DPYD: variants seen among roughly 807,000 people sequenced by gnomAD.
DPYD encodes dihydropyrimidine dehydrogenase [NADP(+)].
A neutral mutation model predicts 116.2 loss-of-function variants in DPYD; 109 were observed. That is an observed-to-expected ratio of 0.94 (90% confidence interval 0.80 to 1.10). The LOEUF is 1.10. Ranked by LOEUF, DPYD falls within the 50% of genes least tolerant of loss-of-function variation. The probability of loss-of-function intolerance (pLI) is 0.00; values close to 1 mark genes in which losing one functional copy is unlikely to be tolerated. For missense variants in DPYD, 1,302 were observed against 1,254.5 expected (o/e 1.04, Z -0.57); for synonymous variants, 440 against 432.0 (o/e 1.02, Z -0.23).
chr1:97,284,473 T>C (rs1351667638), intron 18 of DPYD, among the ~76,000 whole-genome samples: 1 of 152,180 alleles, frequency 6.6e-6, no homozygotes, highest in African/African-American at 2.4e-5. Context: ...ATAATGTTCA[T>C]AATATTAAGC....
chr1:97,175,524 A>G (rs1485471215), intron 20 of DPYD, among the ~76,000 whole-genome samples: 7 of 152,218 alleles, frequency 4.6e-5, no homozygotes, highest in Non-Finnish European at 7.3e-5. Context: ...ATGATTCACT[A>G]TCAACATAGT....
At chr1:97,595,622 T>C (rs1202571303) in intron 8 of DPYD, among the ~76,000 whole-genome samples, 1 of 151,748 alleles carries the variant, frequency 6.6e-6, no homozygotes, top group African/African-American at 2.4e-5. Context: ...GAAAAAACAA[T>C]GTATTTTGCC....
intron 15 of DPYD, among the ~76,000 whole-genome samples, chr1:97,374,025 C>G (rs548934138): frequency 6.6e-6 from 1 of 152,302 alleles, no homozygotes; most frequent in East Asian, 1.9e-4. Context: ...GATTGTAACT[C>G]AGATCTGTTT....
At chr1:97,285,056 A>G (rs1268850221) in intron 18 of DPYD, among the ~76,000 whole-genome samples, 1 of 152,204 alleles carries the variant, frequency 6.6e-6, no homozygotes, top group Non-Finnish European at 1.5e-5. Context: ...CCAAATTGGC[A>G]GAATCTAGCA....
At chr1:97,567,991 A>C (rs1652649925) in intron 11 of DPYD, among the ~76,000 whole-genome samples, 1 of 152,114 alleles carries the variant, frequency 6.6e-6, no homozygotes, top group Admixed American at 6.6e-5. Context: ...AATTTGGCAA[A>C]ATGGAGATTT....
chr1:97,875,113 T>C (rs1671844604), intron 2 of DPYD, among the ~76,000 whole-genome samples: 1 of 151,986 alleles, frequency 6.6e-6, no homozygotes, highest in Non-Finnish European at 1.5e-5. Flanking sequence ...TCTTCTTTTA[T>C]TCTATGTTAG....
chr1:97,117,234 T>C (rs887442851), intron 20 of DPYD, among the ~76,000 whole-genome samples: 68 of 152,170 alleles, frequency 4.5e-4, no homozygotes, highest in African/African-American at 1.6e-3. Flanking sequence ...CTACAAAGTT[T>C]CCAAAATAAA....
At chr1:97,830,721 A>AAG (rs1275886869) in intron 2 of DPYD, among the ~76,000 whole-genome samples, 3 of 151,702 alleles carry the variant, frequency 2.0e-5, no homozygotes, top group Admixed American at 1.3e-4. Flanking sequence ...AAAAAAAAAA[A>AAG]AGAGAGAGAG....
intron 3 of DPYD, among the ~76,000 whole-genome samples, chr1:97,815,661 T>A (rs934687418): frequency 1.3e-5 from 2 of 152,200 alleles, no homozygotes; most frequent in South Asian, 2.1e-4. Flanking sequence ...AAAACCTTTA[T>A]TGACAACTCT....
rs1170494257 is a variant in DPYD at position 97,118,934 on chromosome 1, GA to G, written c.2623-20303del. ...TACTGTGCCAGTTGCAAACAGGAAA[GA>G]AAAAAAATAATGGAAGAGGATACAA... On this transcript the variant is annotated intron_variant, in intron 20 of 22. Transcript: ENST00000370192. 1.9e-3 allele frequency among the ~76,000 whole-genome samples: 295 copies of G among 151,738 alleles called. 3 individuals carry two copies. Among genetic ancestry groups the G allele is most frequent in the African/African-American group, 6.8e-3 (281 of 41,418 alleles).
chr1:97,181,108 C>T (rs535411944), intron 20 of DPYD, among the ~76,000 whole-genome samples: 1 of 152,100 alleles, frequency 6.6e-6, no homozygotes, highest in Non-Finnish European at 1.5e-5. Flanking sequence ...TCCATGCAGG[C>T]ACTGACAATT....
intron 14 of DPYD, among the ~76,000 whole-genome samples, chr1:97,423,158 G>A (rs562275216): frequency 6.6e-6 from 1 of 152,254 alleles, no homozygotes; most frequent in Non-Finnish European, 1.5e-5. Context: ...CCTAGCAAGA[G>A]AAATCATATT....
intron 20 of DPYD, among the ~76,000 whole-genome samples, chr1:97,182,584 G>A (rs908322315): frequency 1.3e-5 from 2 of 152,058 alleles, no homozygotes; most frequent in Non-Finnish European, 2.9e-5. Context: ...ACAACATAAT[G>A]TAACTGTCTG....
chr1:97,141,130 G>A (rs1384113849), intron 20 of DPYD, among the ~76,000 whole-genome samples: 6 of 152,218 alleles, frequency 3.9e-5, no homozygotes, highest in South Asian at 2.1e-4. Flanking sequence ...TAGTGATCTC[G>A]CTTCATGTAG....
chr1:97,535,887 T>C (rs1399262765), intron 12 of DPYD, among the ~76,000 whole-genome samples: 2 of 152,180 alleles, frequency 1.3e-5, no homozygotes. Context: ...ATAGAAAAAG[T>C]GTCAAGTATC....
At chr1:97,321,894 C>G (rs1166835321) in intron 16 of DPYD, among the ~76,000 whole-genome samples, 3 of 36,608 alleles carry the variant, frequency 8.2e-5, no homozygotes, top group Non-Finnish European at 1.8e-4. Context: ...CCATGGAATA[C>G]TATGCAGCCA....
intron 14 of DPYD, among the ~76,000 whole-genome samples, chr1:97,383,248 G>A (rs1334333924): frequency 6.6e-6 from 1 of 151,920 alleles, no homozygotes; most frequent in Non-Finnish European, 1.5e-5. Context: ...AGGCAGAGGC[G>A]GGTGGATCAC....
intron 12 of DPYD, among the ~76,000 whole-genome samples, chr1:97,525,662 C>G (rs574988204): frequency 3.3e-5 from 5 of 151,850 alleles, no homozygotes; most frequent in East Asian, 3.9e-4. Flanking sequence ...ATGATTCTAA[C>G]ATAGAGTGGC....
At chr1:97,106,696 A>G (rs1236658318) in intron 20 of DPYD, among the ~76,000 whole-genome samples, 1 of 152,052 alleles carries the variant, frequency 6.6e-6, no homozygotes, top group Non-Finnish European at 1.5e-5. Flanking sequence ...CCCAGTTTTT[A>G]GGCCTTCAGA....
Sources: allele counts gnomAD v4.1 joint callset (sites outside exome capture counted in the v4.1 genomes callset), GRCh38; gene constraint gnomAD v4.1.1; transcripts MANE v1.5; gene names NCBI Gene and HGNC (gene_info 2026-07-23, HGNC 2026-07-21).